ARAP2: variants seen among roughly 807,000 people sequenced by gnomAD.
ARAP2 encodes arf-GAP with Rho-GAP domain, ANK repeat and PH domain-containing protein 2.
ARAP2 carries 148 observed loss-of-function variants against 194.5 expected under a neutral mutation model. The ratio of observed to expected loss-of-function variants is 0.76; its 90% CI spans 0.67 to 0.87. The LOEUF is 0.87. Ranked by LOEUF, ARAP2 falls within the 40% of genes least tolerant of loss-of-function variation. The pLI, the probability that ARAP2 is intolerant of heterozygous loss-of-function variation, is 0.00. For missense variants in ARAP2, 2,128 were observed against 1,989.7 expected (o/e 1.07, Z -1.32); for synonymous variants, 695 against 683.5 (o/e 1.02, Z -0.26).
chr4:36,187,561 G>C lies in ARAP2; in HGVS notation c.1568C>G (p.Ser523Trp). ...AGCAGAAAGGGGAATTATTCCTTTC[G>C]AATACATCTCCTGTATTGGTTAGAA... ...SYYNNEKEMY[S>W]KGIIPLSAIS... Residue 523 changes from serine (S) to tryptophan (W), a missense_variant, in exon 8 of 33, where the codon TCG (serine) becomes TGG (tryptophan). Ser to Trp is a radical substitution (Grantham distance 177, BLOSUM62 -3). Coordinates refer to ENST00000303965, the MANE Select transcript of ARAP2 (RefSeq NM_015230.4). The C allele has an allele frequency of 6.4e-7, 1 of 1,552,516 alleles. No homozygotes were observed. The highest frequency in any genetic ancestry group is 8.7e-7 in the Non-Finnish European group (1 of 1,155,766).
At position 36,154,207 on chromosome 4, in the gene ARAP2, A is replaced by ATTT. The variant is rs1334239896; in HGVS notation, c.2753-3164_2753-3163insAAA. Among the ~76,000 whole-genome samples, 4 of 152,314 alleles carry ATTT rather than the reference A, an allele frequency of 2.6e-5. No individual in the cohort carries two copies. In the East Asian group the frequency reaches 7.7e-4, roughly 29 times the overall value. On this transcript the variant is annotated intron_variant, in intron 15 of 32. Coordinates refer to ENST00000303965, the MANE Select transcript of ARAP2 (RefSeq NM_015230.4). ...AGACAAAACTATTATTTTTGAAACT[A>ATTT]TGAATTTGCTTCATGTTGAGGAATT...
intron 31 of ARAP2, among the ~76,000 whole-genome samples, chr4:36,079,831 G>A (rs1729097422): frequency 6.6e-6 from 1 of 152,090 alleles, no homozygotes; most frequent in African/African-American, 2.4e-5. Context: ...GAAAGGCAGG[G>A]GTGGAGAGAG....
chr4:36,208,059 C>T (rs369191031), intron 6 of ARAP2, among the ~76,000 whole-genome samples: 2 of 152,154 alleles, frequency 1.3e-5, no homozygotes, highest in African/African-American at 4.8e-5. Flanking sequence ...CCTGTCCCCA[C>T]GGAGCTTGTA....
intron 2 of ARAP2, among the ~76,000 whole-genome samples, chr4:36,221,954 G>C (rs966597883): frequency 6.6e-6 from 1 of 152,094 alleles, no homozygotes; most frequent in Admixed American, 6.6e-5. Context: ...TTCTGCCAGC[G>C]CAAGTCCCAC....
chr4:36,031,787 G>GC lies in ARAP2; in HGVS notation n.608-12502dup, dbSNP rs1303151600. Reference sequence around the variant, plus strand: ...AGGTTCAAGTGATTCTCCTGCCTCAGCCCCCCAAGTAGCTGGGATTACAGG... The same window carrying GC: ...AGGTTCAAGTGATTCTCCTGCCTCAGCCCCCCCAAGTAGCTGGGATTACAGG... On this transcript the variant is annotated intron_variant and non_coding_transcript_variant, in intron 5 of 12. Transcript: ENST00000503225. 2.6e-5 allele frequency among the ~76,000 whole-genome samples: 4 copies of GC among 151,712 alleles called. No homozygotes were observed. The East Asian group carries it at 5.8e-4, about 22-fold the overall frequency.
At chr4:36,013,037 A>C (rs896657274) in intron 8 of ARAP2, among the ~76,000 whole-genome samples, 1 of 152,228 alleles carries the variant, frequency 6.6e-6, no homozygotes, top group African/African-American at 2.4e-5. Flanking sequence ...TAAAGACTTA[A>C]CAAAGGTAGA....
chr4:36,080,639 A>G (rs1577784102), intron 30 of ARAP2, among the ~76,000 whole-genome samples: 1 of 152,296 alleles, frequency 6.6e-6, no homozygotes, highest in Non-Finnish European at 1.5e-5. Flanking sequence ...GAGAAGAAAA[A>G]TATGTGCACA....
At chr4:36,147,494 T>C (rs1729918235) in intron 18 of ARAP2, 54 bp downstream of exon 18, 2 of 1,578,748 alleles carry the variant, frequency 1.3e-6, no homozygotes, top group South Asian at 1.2e-5. Context: ...GCTATCACTA[T>C]TGTATGCAAT....
chr4:36,051,580 G>C (rs1003939914), intron 3 of ARAP2, among the ~76,000 whole-genome samples: 5 of 152,094 alleles, frequency 3.3e-5, no homozygotes, highest in African/African-American at 1.2e-4. Context: ...TTGTGGTCAG[G>C]AAGATAAATT....
chr4:36,182,643 T>C (rs1033758393), intron 8 of ARAP2, among the ~76,000 whole-genome samples: 1 of 152,214 alleles, frequency 6.6e-6, no homozygotes, highest in African/African-American at 2.4e-5. Flanking sequence ...TCTCATGAGA[T>C]GATTAAAATA....
At chr4:36,111,242 A>G (rs149936058) in intron 26 of ARAP2, among the ~76,000 whole-genome samples, 4 of 151,864 alleles carry the variant, frequency 2.6e-5, no homozygotes, top group African/African-American at 9.7e-5. Context: ...TCTCAACTAC[A>G]ACCTTCTTAC....
intron 21 of ARAP2, among the ~76,000 whole-genome samples, chr4:36,127,737 T>C (rs891654761): frequency 2.0e-5 from 3 of 151,850 alleles, no homozygotes; most frequent in African/African-American, 7.2e-5. Flanking sequence ...TTGGAAAATA[T>C]TATAGATATA....
chr4:36,068,326 T>C (rs368740794), intron 32 of ARAP2, 48 bp from the exon 33 acceptor site: 12 of 1,493,786 alleles, frequency 8.0e-6, no homozygotes, highest in Non-Finnish European at 9.8e-6. Flanking sequence ...TTTGGCACAA[T>C]TTAGGTTTAG....
At chr4:36,135,480 G>A (rs968889780) in intron 19 of ARAP2, among the ~76,000 whole-genome samples, 1 of 151,528 alleles carries the variant, frequency 6.6e-6, no homozygotes, top group Admixed American at 6.6e-5. Context: ...GCTTTTTGAC[G>A]TCTTTATCTA....
At chr4:36,092,385 G>A (rs527529672) in intron 27 of ARAP2, among the ~76,000 whole-genome samples, 14 of 151,748 alleles carry the variant, frequency 9.2e-5, no homozygotes, top group East Asian at 7.8e-4. Context: ...CGAGGCGGGC[G>A]GATTATCTGA....
chr4:36,182,464 C>G (rs1739515034), intron 8 of ARAP2, among the ~76,000 whole-genome samples: 1 of 151,304 alleles, frequency 6.6e-6, no homozygotes, highest in Non-Finnish European at 1.5e-5. Context: ...CCACTGCACT[C>G]CAGCCTGTGT....
intron 19 of ARAP2, among the ~76,000 whole-genome samples, chr4:36,145,677 A>G (rs1245552538): frequency 3.3e-5 from 5 of 151,948 alleles, no homozygotes; most frequent in Non-Finnish European, 7.4e-5. Context: ...GTGCCCCTTG[A>G]ATCCAAAATT....
At chr4:36,014,242 A>G (rs1011469930) in intron 8 of ARAP2, among the ~76,000 whole-genome samples, 72 of 128,554 alleles carry the variant, frequency 5.6e-4, no homozygotes, top group African/African-American at 2.1e-3. Context: ...AGAAAGAAAG[A>G]AAGAAAGAAA....
At position 36,148,488 on chromosome 4, in the gene ARAP2, T is replaced by C; in HGVS notation, c.2917A>G (p.Ile973Val). The C allele has an allele frequency of 6.2e-7, 1 of 1,612,900 alleles. No individual in the cohort carries two copies. The highest frequency in any genetic ancestry group is 1.1e-5 in the South Asian group (1 of 91,000). Reference sequence around the variant, plus strand: ...AACACACGTTCGGAGGGTAAGTAGATCTCAAAGATAAAGATGGGCCTAAAA... The same window carrying C: ...AACACACGTTCGGAGGGTAAGTAGACCTCAAAGATAAAGATGGGCCTAAAA... ...LNTGPIFIFE[I>V]YLPSERVFLF... Residue 973 changes from isoleucine to valine, a missense_variant, in exon 17 of 33, where the codon ATC becomes GTC. Physicochemically the swap from Ile to Val is conservative, Grantham distance 29. Coordinates refer to ENST00000303965, the MANE Select transcript of ARAP2 (RefSeq NM_015230.4).
Sources: allele counts gnomAD v4.1 joint callset (sites outside exome capture counted in the v4.1 genomes callset), GRCh38; gene constraint gnomAD v4.1.1; transcripts MANE v1.5; gene names NCBI Gene and HGNC (gene_info 2026-07-23, HGNC 2026-07-21).